Variants in DAP3 observed in about 807,000 individuals in gnomAD.
The protein encoded by DAP3 is small ribosomal subunit protein mS29.
A neutral mutation model predicts 51.9 loss-of-function variants in DAP3; 28 were observed. The observed-to-expected ratio is 0.54, with a 90% CI of 0.40 to 0.74. The LOEUF (loss-of-function observed/expected upper bound fraction) is 0.74. Ranked by LOEUF, DAP3 falls within the 30% of genes least tolerant of loss-of-function variation. The pLI, the probability that DAP3 is intolerant of heterozygous loss-of-function variation, is 0.00. For synonymous variants in DAP3, 170 were observed against 170.3 expected, an observed-to-expected ratio of 1.00 and a Z score of 0.01; for missense variants, 458 against 483.5, an observed-to-expected ratio of 0.95 and a Z score of 0.49.
At chr1:155,696,159 G>A (rs190217766) in intron 1 of DAP3, among the ~76,000 whole-genome samples, 7 of 152,114 alleles carry the variant, frequency 4.6e-5, no homozygotes, top group African/African-American at 1.7e-4. Context: ...GTATTATATG[G>A]CAAAAAAGAC....
chr1:155,717,821 G>A (rs920334460), intron 3 of DAP3, among the ~76,000 whole-genome samples: 1 of 152,118 alleles, frequency 6.6e-6, no homozygotes, highest in African/African-American at 2.4e-5. Context: ...CATTTAAAGT[G>A]AATTTTGTCT....
chr1:155,708,116 C>T (rs1424592311), intron 1 of DAP3, among the ~76,000 whole-genome samples: 5 of 152,166 alleles, frequency 3.3e-5, no homozygotes, highest in African/African-American at 4.8e-5. Context: ...GGCACGATCT[C>T]GGCTCACTGC....
At chr1:155,737,182 C>G (rs1301869230) in intron 12 of DAP3, 119 bp downstream of exon 12, 8 of 743,130 alleles carry the variant, frequency 1.1e-5, no homozygotes, top group Non-Finnish European at 1.6e-5. Flanking sequence ...CATCCTTTAT[C>G]TTGACTTCTT....
upstream of DAP3, chr1:155,688,745 A>C (rs1333061233): frequency 3.3e-6 from 5 of 1,517,892 alleles, no homozygotes; most frequent in Admixed American, 4.4e-5. Flanking sequence ...ACCGCCGCCA[A>C]AGCAGCCGCC....
chr1:155,713,133 A>T (rs923336663), intron 2 of DAP3, among the ~76,000 whole-genome samples: 2 of 152,200 alleles, frequency 1.3e-5, no homozygotes, highest in African/African-American at 4.8e-5. Flanking sequence ...ATCGCAACAT[A>T]TAGCTTTTAA....
At chr1:155,708,744 G>T (rs1380017808) in intron 1 of DAP3, among the ~76,000 whole-genome samples, 2 of 138,054 alleles carry the variant, frequency 1.4e-5, no homozygotes, top group South Asian at 4.5e-4. Context: ...TTGCTCTGTC[G>T]CCCAGGCTGG....
chr1:155,690,772 C>T (rs1653688255), intron 1 of DAP3, among the ~76,000 whole-genome samples: 3 of 141,948 alleles, frequency 2.1e-5, no homozygotes, highest in Admixed American at 1.3e-4. Context: ...GAGATAGGAT[C>T]TATGTCGCCA....
intron 6 of DAP3, 92 bp downstream of exon 6, chr1:155,726,111 T>TTA: frequency 8.3e-6 from 9 of 1,084,806 alleles, no homozygotes; most frequent in Non-Finnish European, 1.2e-5. Flanking sequence ...TTCTTTTCTT[T>TTA]TCTTTTTTTT....
intron 11 of DAP3, among the ~76,000 whole-genome samples, chr1:155,732,653 G>A (rs906664978): frequency 3.3e-5 from 5 of 152,140 alleles, no homozygotes; most frequent in Non-Finnish European, 7.4e-5. Context: ...CCTAATTGGT[G>A]GGATTTATTC....
chr1:155,698,372 G>T (rs1281410056), intron 1 of DAP3, among the ~76,000 whole-genome samples: 2 of 152,182 alleles, frequency 1.3e-5, no homozygotes, highest in Admixed American at 6.5e-5. Flanking sequence ...ACTAACAAAT[G>T]TCCATGAAAT....
At chr1:155,701,369 G>A (rs1468338886) in intron 1 of DAP3, among the ~76,000 whole-genome samples, 2 of 107,318 alleles carry the variant, frequency 1.9e-5, no homozygotes, top group Non-Finnish European at 1.8e-5. Flanking sequence ...CTGTTGATCT[G>A]TGACCTTACC....
chr1:155,731,132 T>G (rs1659193561), intron 9 of DAP3, among the ~76,000 whole-genome samples: 2 of 151,886 alleles, frequency 1.3e-5, no homozygotes, highest in Admixed American at 6.6e-5. Context: ...TAGGCTCTGG[T>G]GGCGCGCGCC....
At chr1:155,688,537 C>T, upstream of DAP3, 2 of 1,542,894 alleles carry the variant, frequency 1.3e-6, no homozygotes, top group South Asian at 1.2e-5. Context: ...CCAACCACCA[C>T]CTTCGGCCGT....
intron 2 of DAP3, among the ~76,000 whole-genome samples, chr1:155,713,242 A>T (rs1571495273): frequency 6.6e-6 from 1 of 152,292 alleles, no homozygotes; most frequent in Admixed American, 6.5e-5. Context: ...TCTTTAGCCA[A>T]AGGAATCACA....
intron 1 of DAP3, among the ~76,000 whole-genome samples, chr1:155,697,544 C>A (rs1406630166): frequency 6.6e-6 from 1 of 151,988 alleles, no homozygotes; most frequent in Non-Finnish European, 1.5e-5. Context: ...GCAAAACCAG[C>A]AAGTTTTTAT....
In DAP3 at chr1:155,704,300, G is replaced by A. The variant is rs562735354; in HGVS notation, c.-7-5473G>A. ...CGGAAGCTGATTACACGTTCTGACC[G>A]TCATTTCTCATAGTGTCTATAACAT... On this transcript the variant is annotated intron_variant, in intron 1 of 12. Coordinates refer to ENST00000368336, the MANE Select transcript of DAP3 (RefSeq NM_004632.4). Among the ~76,000 whole-genome samples the A allele has an allele frequency of 2.1e-4, 32 of 152,220 alleles. No homozygotes were observed. In the South Asian group the frequency reaches 4.8e-3, roughly 23 times the overall value.
At chr1:155,719,577 C>T (rs1557784312) in intron 3 of DAP3, among the ~76,000 whole-genome samples, 1 of 148,470 alleles carries the variant, frequency 6.7e-6, no homozygotes, top group Non-Finnish European at 1.5e-5. Context: ...TAGACGGAGC[C>T]TTGCTCTGTC....
At chr1:155,703,659 T>C (rs1470033039) in intron 1 of DAP3, among the ~76,000 whole-genome samples, 1 of 152,172 alleles carries the variant, frequency 6.6e-6, no homozygotes, top group Non-Finnish European at 1.5e-5. Flanking sequence ...TGCCTCAGCC[T>C]CCTGAGTATC....
chr1:155,708,119 C>T (rs1195492572), intron 1 of DAP3, among the ~76,000 whole-genome samples: 1 of 152,218 alleles, frequency 6.6e-6, no homozygotes, highest in African/African-American at 2.4e-5. Flanking sequence ...ACGATCTCGG[C>T]TCACTGCAAC....
Sources: gnomAD v4.1 joint callset for allele counts (sites outside exome capture counted in the v4.1 genomes callset) on GRCh38, gnomAD v4.1.1 for gene constraint, MANE v1.5 for transcripts, NCBI Gene and HGNC (gene_info 2026-07-23, HGNC 2026-07-21) for gene names.